The following SLC35D2 variants were observed in gnomAD, a reference collection of about 807,000 sequenced individuals.
The protein encoded by SLC35D2 is solute carrier family 35 member D2.
A neutral mutation model predicts 41.8 loss-of-function variants in SLC35D2; 43 were observed. The ratio of observed to expected loss-of-function variants is 1.03; its 90% CI spans 0.81 to 1.33. The LOEUF (loss-of-function observed/expected upper bound fraction) is 1.33, where lower values mean the gene tolerates loss of function less well. SLC35D2 is among the 40% of genes most tolerant of loss of function. The pLI is 0.00. For missense variants in SLC35D2, 380 were observed against 408.4 expected, an observed-to-expected ratio of 0.93 and a Z score of 0.60; for synonymous variants, 150 against 163.9, an observed-to-expected ratio of 0.92 and a Z score of 0.65.
intron 1 of SLC35D2, among the ~76,000 whole-genome samples, chr9:96,382,496 C>CTATA (rs142809659): frequency 1.7e-3 from 223 of 127,914 alleles, no homozygotes; most frequent in Admixed American, 8.2e-3. Context: ...CACACACACA[C>CTATA]TATATATATA....
At chr9:96,336,146 C>T (rs1829042902) in intron 9 of SLC35D2, among the ~76,000 whole-genome samples, 1 of 151,956 alleles carries the variant, frequency 6.6e-6, no homozygotes, top group African/African-American at 2.4e-5. Context: ...TAGAAATTTT[C>T]CTGAATATAG....
chr9:96,358,105 T>TATATATATATATATATATATATATATAC (rs546410635), intron 4 of SLC35D2, among the ~76,000 whole-genome samples: 1 of 143,524 alleles, frequency 7.0e-6, no homozygotes, highest in African/African-American at 2.7e-5. Context: ...TATATATATA[T>TATATATATATATATATATATATATATAC]ATACCTGCAA....
intron 6 of SLC35D2, 79 bp from the exon 7 acceptor site, chr9:96,345,480 C>G: frequency 1.3e-6 from 1 of 788,426 alleles, no homozygotes; most frequent in African/African-American, 1.8e-5. Flanking sequence ...ATCTACCTTT[C>G]CCTAATCAAA....
chr9:96,354,364 T>C (rs749683649), intron 4 of SLC35D2, among the ~76,000 whole-genome samples: 3 of 152,122 alleles, frequency 2.0e-5, no homozygotes, highest in Non-Finnish European at 4.4e-5. Context: ...TCCTAAGGGA[T>C]CCACTTAAAA....
At chr9:96,328,321 C>T (rs1828646111) in intron 9 of SLC35D2, among the ~76,000 whole-genome samples, 1 of 152,088 alleles carries the variant, frequency 6.6e-6, no homozygotes, top group Non-Finnish European at 1.5e-5. Flanking sequence ...ACTGGGCTCA[C>T]ATGAGCCCAG....
chr9:96,315,267 G>A (rs1009574317), intron 11 of SLC35D2, among the ~76,000 whole-genome samples: 1 of 151,878 alleles, frequency 6.6e-6, no homozygotes, highest in Non-Finnish European at 1.5e-5. Flanking sequence ...CTACAGGCAT[G>A]CGCCACCATG....
chr9:96,321,803 A>T (rs572504139), intron 11 of SLC35D2, among the ~76,000 whole-genome samples, 195 bp downstream of exon 11: 45 of 152,330 alleles, frequency 3.0e-4, no homozygotes, highest in Admixed American at 4.6e-4. Flanking sequence ...GCAAACTGCC[A>T]TCACACGTGT....
At chr9:96,358,929 C>T (rs1830151604) in intron 4 of SLC35D2, among the ~76,000 whole-genome samples, 2 of 151,880 alleles carry the variant, frequency 1.3e-5, no homozygotes, top group South Asian at 4.2e-4. Context: ...TGCAGTGAGC[C>T]AAGATCACAT....
chr9:96,362,498 A>C (rs148302186), intron 3 of SLC35D2, among the ~76,000 whole-genome samples: 82 of 151,942 alleles, frequency 5.4e-4, no homozygotes, highest in African/African-American at 2.0e-3. Flanking sequence ...TAAGAGCAAA[A>C]CTCCATCTCA....
rs548079587 is a variant in SLC35D2, at chr9:96,372,422, A to G, written c.159-4117T>C. 4.6e-5 allele frequency among the ~76,000 whole-genome samples: 7 copies of G among 151,894 alleles called. No individual in the cohort carries two copies. In the East Asian group the frequency reaches 1.4e-3, roughly 29 times the overall value. On this transcript the variant is annotated intron_variant, in intron 1 of 11. Coordinates refer to ENST00000253270, the MANE Select transcript of SLC35D2 (RefSeq NM_007001.3). ...ATTGCATGAGCCTTGATTGGATCAT[A>G]AAACCATAAAAAACATCTTTGGGAC...
At chr9:96,358,105 T>TATATATATACAC (rs546410635) in intron 4 of SLC35D2, among the ~76,000 whole-genome samples, 1 of 143,524 alleles carries the variant, frequency 7.0e-6, no homozygotes, top group Non-Finnish European at 1.5e-5. Context: ...TATATATATA[T>TATATATATACAC]ATACCTGCAA....
intron 4 of SLC35D2, among the ~76,000 whole-genome samples, chr9:96,352,729 A>G (rs1328613161): frequency 6.6e-6 from 1 of 151,846 alleles, no homozygotes; most frequent in East Asian, 1.9e-4. Flanking sequence ...AGTCAGGCCT[A>G]TGCGTCATCA....
intron 1 of SLC35D2, among the ~76,000 whole-genome samples, chr9:96,379,625 CA>C (rs1831107077): frequency 6.6e-6 from 1 of 152,192 alleles, no homozygotes; most frequent in Non-Finnish European, 1.5e-5. Flanking sequence ...ATTCTATCCT[CA>C]GACAACTCAT....
At chr9:96,362,595 G>C (rs757587209) in intron 3 of SLC35D2, among the ~76,000 whole-genome samples, 2 of 151,928 alleles carry the variant, frequency 1.3e-5, no homozygotes, top group Non-Finnish European at 1.5e-5. Context: ...AGAAAAGTTA[G>C]GATAGTGGGT....
chr9:96,324,772 C>G (rs551114409), intron 9 of SLC35D2, among the ~76,000 whole-genome samples: 1 of 152,140 alleles, frequency 6.6e-6, no homozygotes, highest in African/African-American at 2.4e-5. Flanking sequence ...CCAGGCTGGT[C>G]TTGAACTCCT....
intron 4 of SLC35D2, among the ~76,000 whole-genome samples, chr9:96,354,839 C>A (rs1237432425): frequency 1.4e-5 from 2 of 143,176 alleles, no homozygotes; most frequent in African/African-American, 5.1e-5. Flanking sequence ...GAATAAAATT[C>A]TTAGACACAA....
chr9:96,331,535 T>C (rs527367415), intron 9 of SLC35D2, among the ~76,000 whole-genome samples: 2 of 152,006 alleles, frequency 1.3e-5, no homozygotes, highest in South Asian at 2.1e-4. Context: ...TGCCACCCTT[T>C]CCCCTTTAAA....
intron 9 of SLC35D2, among the ~76,000 whole-genome samples, chr9:96,335,264 C>T (rs1365619043): frequency 6.6e-6 from 1 of 152,228 alleles, no homozygotes; most frequent in Non-Finnish European, 1.5e-5. Context: ...AGGGAGGATA[C>T]TCCCAAGATT....
chr9:96,369,295 T>G (rs1237396561), intron 1 of SLC35D2, among the ~76,000 whole-genome samples: 1 of 152,134 alleles, frequency 6.6e-6, no homozygotes, highest in Non-Finnish European at 1.5e-5. Flanking sequence ...AAATTAAAGA[T>G]CTAAATAAAG....
Sources: gnomAD v4.1 joint callset for allele counts (sites outside exome capture counted in the v4.1 genomes callset) on GRCh38, gnomAD v4.1.1 for gene constraint, MANE v1.5 for transcripts, NCBI Gene and HGNC (gene_info 2026-07-23, HGNC 2026-07-21) for gene names.